Variants in DEPP1 observed in about 807,000 individuals in gnomAD.
The protein encoded by DEPP1 is DEPP autophagy regulator 1.
For synonymous variants in DEPP1, 117 were observed against 113.6 expected (o/e 1.03, Z -0.19); for missense variants, 267 against 280.1 (o/e 0.95, Z 0.33).
At position 44,977,528 on chromosome 10, in the gene DEPP1, T is replaced by C; in HGVS notation, c.503A>G (p.Asp168Gly). ...PGHSLARPPQ[D>G]GQQSSDLRSW... ...TCTTAGGTCAGAGCTCTGCTGCCCA[T>C]CCTGCGGTGGTCTTGCCAGGGAATG... Residue 168 changes from aspartate to glycine, a missense_variant, in exon 2 of 2, where the codon GAT becomes GGT. By Grantham distance (94) the Asp-to-Gly change is moderately conservative. Transcript: ENST00000298295. 6.2e-7 allele frequency: 1 copy of C among 1,613,468 alleles called. No individual in the cohort carries two copies. Among genetic ancestry groups the C allele is most frequent in the Non-Finnish European group, 8.5e-7 (1 of 1,179,970 alleles).
chr10:44,978,434 C>T (rs190279562), intron 1 of DEPP1, among the ~76,000 whole-genome samples, 184 bp downstream of exon 1: 1 of 152,242 alleles, frequency 6.6e-6, no homozygotes, highest in East Asian at 1.9e-4. Context: ...TACCCCTGGC[C>T]GGGATGTTGT....
Position 44,977,344 on chromosome 10 carries a change from A to T in DEPP1, c.*48T>A. The T allele has an allele frequency of 6.6e-7, 1 of 1,513,716 alleles. No individual in the cohort carries two copies. Among genetic ancestry groups the T allele is most frequent in the Non-Finnish European group, 8.8e-7 (1 of 1,129,966 alleles). The allele number at this position is 1,513,716 out of a possible 1,614,324, so 93.8% of individuals were successfully genotyped here. A position where few individuals can be genotyped will look rare whatever the true frequency, so the allele number is the denominator to read the frequency against. On this transcript the variant is annotated 3_prime_UTR_variant, in exon 2 of 2. Transcript: ENST00000298295. ...TGACCACCATGGAGGAGACGAGAGG[A>T]GATGCAGACCCAGCATGCTCTCTAC...
chr10:44,977,396 A>T lies in DEPP1; in HGVS notation c.635T>A (p.Leu212His). The T allele has an allele frequency of 1.9e-6, 3 of 1,574,286 alleles. No individual in the cohort carries two copies. Among genetic ancestry groups the T allele is most frequent in the Non-Finnish European group, 2.6e-6 (3 of 1,156,576 alleles). Residue 212 changes from leucine to histidine, a missense_variant, in exon 2 of 2, where the codon CTC becomes CAC. Physicochemically the swap from Leu to His is moderately conservative, Grantham distance 99. Transcript: ENST00000298295. ...GAAGCCTTTACTGGGGAGGGGTCAGAGTTCATGGATCACCGGGAGGTGCGA... is the reference window on the plus strand; with the variant it reads ...GAAGCCTTTACTGGGGAGGGGTCAGTGTTCATGGATCACCGGGAGGTGCGA... ...LYSHLPVIHE[L>H]
At position 44,977,225 on chromosome 10, in the gene DEPP1, T is replaced by G; in HGVS notation, c.*167A>C. The G allele has an allele frequency of 1.2e-6, 1 of 806,184 alleles. No homozygotes were observed. The highest frequency in any genetic ancestry group is 1.9e-6 in the Non-Finnish European group (1 of 517,852). 49.9% of individuals were successfully genotyped at this position (806,184 alleles called of 1,614,324 possible). On this transcript the variant is annotated 3_prime_UTR_variant, in exon 2 of 2. Coordinates refer to ENST00000298295, the MANE Select transcript of DEPP1 (RefSeq NM_007021.4). ...CATCTCCTCATGTGAAACAGGCTGTTATCATATTCAGAGGGGGTCGGTCTC... is the reference window on the plus strand; with the variant it reads ...CATCTCCTCATGTGAAACAGGCTGTGATCATATTCAGAGGGGGTCGGTCTC...
At position 44,978,044 on chromosome 10, in the gene DEPP1, G is replaced by C. The variant is rs768824459; in HGVS notation, c.-14C>G. ...CCGGGACCTCATCACTCTGGCGAGA[G>C]GAGGTGGCAACCTGTTGGGAAACAG... On this transcript the variant is annotated 5_prime_UTR_variant, in exon 2 of 2. Coordinates refer to ENST00000298295, the MANE Select transcript of DEPP1 (RefSeq NM_007021.4). 6.3e-7 allele frequency: 1 copy of C among 1,596,276 alleles called. No homozygotes were observed. Among genetic ancestry groups the C allele is most frequent in the East Asian group, 2.2e-5 (1 of 44,764 alleles).
chr10:44,977,245 G>T lies in DEPP1; in HGVS notation c.*147C>A. ...GCTGTTATCATATTCAGAGGGGGTC[G>T]GTCTCACTGTGAACTGCCCAAGCAG... On this transcript the variant is annotated 3_prime_UTR_variant, in exon 2 of 2. Transcript: ENST00000298295. 1 of 973,036 alleles carries T rather than the reference G, an allele frequency of 1.0e-6. No individual in the cohort carries two copies. The highest frequency in any genetic ancestry group is 1.5e-6 in the Non-Finnish European group (1 of 656,896). The allele number at this position is 973,036 out of a possible 1,614,324, so 60.3% of individuals were successfully genotyped here. A position where few individuals can be genotyped will look rare whatever the true frequency, so the allele number is the denominator to read the frequency against.
rs1248299410 is a variant in DEPP1 at position 44,976,417 on chromosome 10, G to T, written c.*975C>A. 2.6e-5 allele frequency: 4 copies of T among 152,304 alleles called. No homozygotes were observed. Among genetic ancestry groups the T allele is most frequent in the African/African-American group, 9.6e-5 (4 of 41,462 alleles). The allele number at this position is 152,304 out of a possible 1,614,324, so 9.4% of individuals were successfully genotyped here. Reference sequence around the variant, plus strand: ...CTAGACTGACAGCTCACAGAGCAAGGAGGTGGCAGAGACCTGCCCAGGTGA... The same window carrying T: ...CTAGACTGACAGCTCACAGAGCAAGTAGGTGGCAGAGACCTGCCCAGGTGA... On this transcript the variant is annotated 3_prime_UTR_variant, in exon 2 of 2. Transcript: ENST00000298295.
Position 44,978,096 on chromosome 10 carries a change from C to T in DEPP1, c.-25-41G>A, listed in dbSNP as rs190212409. On this transcript the variant is annotated intron_variant, in intron 1 of 1. Coordinates refer to ENST00000298295, the MANE Select transcript of DEPP1 (RefSeq NM_007021.4). ...AGCCTGGTGGTGAGGGCCTGCCATGCGTCCCACCGCCCCTCAGCGTCACCA... is the reference window on the plus strand; with the variant it reads ...AGCCTGGTGGTGAGGGCCTGCCATGTGTCCCACCGCCCCTCAGCGTCACCA... The T allele has an allele frequency of 6.1e-4, 940 of 1,549,806 alleles. 2 individuals carry two copies. The highest frequency in any genetic ancestry group is 6.6e-4 in the Non-Finnish European group (752 of 1,144,208).
rs1295376947 is a variant in DEPP1, at chr10:44,978,051, G to A, written c.-21C>T. The stretch of plus-strand genomic sequence containing the variant: ...CTCATCACTCTGGCGAGAGGAGGTG[G>A]CAACCTGTTGGGAAACAGAAGCCTG... On this transcript the variant is annotated 5_prime_UTR_variant, in exon 2 of 2. Coordinates refer to ENST00000298295, the MANE Select transcript of DEPP1 (RefSeq NM_007021.4). 1 of 1,591,354 alleles carries A rather than the reference G, an allele frequency of 6.3e-7. No individual in the cohort carries two copies. Among genetic ancestry groups the A allele is most frequent in the Non-Finnish European group, 8.5e-7 (1 of 1,173,076 alleles).
chr10:44,977,458 G>A lies in DEPP1; in HGVS notation c.573C>T (p.His191=). ...TGAGGACACTGCTGGGGCGGGGGCG[G>A]TGGCGGGAGGCCATGGCTTGGGCAG... ...GQSAQAMASR[H]RPRPSSVLRT... Residue 191 remains histidine (H), a synonymous_variant, in exon 2 of 2, where the codon CAC becomes CAT. Coordinates refer to ENST00000298295, the MANE Select transcript of DEPP1 (RefSeq NM_007021.4). 1 of 1,611,948 alleles carries A rather than the reference G, an allele frequency of 6.2e-7. No homozygotes were observed. The highest frequency in any genetic ancestry group is 8.5e-7 in the Non-Finnish European group (1 of 1,179,190).
chr10:44,978,435 G>A (rs146091466), intron 1 of DEPP1, among the ~76,000 whole-genome samples, 183 bp downstream of exon 1: 3,037 of 152,264 alleles, frequency 0.02, 208 homozygotes, highest in Admixed American at 0.14. Flanking sequence ...ACCCCTGGCC[G>A]GGATGTTGTA....
Position 44,977,420 on chromosome 10 carries a change from G to A in DEPP1, c.611C>T (p.Ser204Leu), listed in dbSNP as rs540681618. ...GAGTTCATGGATCACCGGGAGGTGC[G>A]AGTAGAGTGTTCTGAGGACACTGCT... ...RPSSVLRTLYSHLPVIHEL is the reference protein window; with the variant it reads ...RPSSVLRTLYLHLPVIHEL The change falls in exon 2 of 2, where the codon TCG becomes TTG. Residue 204 changes from serine (S) to leucine (L), a missense_variant. Ser to Leu is a moderately radical substitution (Grantham distance 145, BLOSUM62 -2). Transcript: ENST00000298295. The A allele has an allele frequency of 1.8e-5, 29 of 1,600,158 alleles. No homozygotes were observed. Among genetic ancestry groups the A allele is most frequent in the South Asian group, 1.3e-4 (12 of 90,188 alleles).
At position 44,977,799 on chromosome 10, in the gene DEPP1, G is replaced by A; in HGVS notation, c.232C>T (p.Pro78Ser). 6.2e-7 allele frequency: 1 copy of A among 1,601,994 alleles called. No individual in the cohort carries two copies. Among genetic ancestry groups the A allele is most frequent in the Non-Finnish European group, 8.5e-7 (1 of 1,173,548 alleles). The change falls in exon 2 of 2, where the codon CCT (proline) becomes TCT (serine). Residue 78 changes from proline (P) to serine (S), a missense_variant. Physicochemically the swap from Pro to Ser is moderately conservative, Grantham distance 74 (BLOSUM62 -1). Coordinates refer to ENST00000298295, the MANE Select transcript of DEPP1 (RefSeq NM_007021.4). ...GTGATGTCTCGCAGGGACACAGCAG[G>A]GCGGCCCTTCCGGCAGGCCTGGGCT... The part of the protein sequence containing the change: ...RPAQACRKGR[P>S]AVSLRDITAR...
chr10:44,977,607 T>C lies in DEPP1; in HGVS notation c.424A>G (p.Ser142Gly), dbSNP rs201753865. The C allele has an allele frequency of 6.2e-7, 1 of 1,613,308 alleles. No homozygotes were observed. Among genetic ancestry groups the C allele is most frequent in the African/African-American group, 1.3e-5 (1 of 75,074 alleles). ...LWGPHRQMDS[S>G]KPMGAPRGRL... ...CCTCTGGGGGCCCCCATGGGCTTGC[T>C]GCTGTCCATCTGTCTATGTGGACCC... The change falls in exon 2 of 2, where the codon AGC becomes GGC. Residue 142 changes from serine to glycine, a missense_variant. Physicochemically the swap from Ser to Gly is moderately conservative, Grantham distance 56 (BLOSUM62 0). Transcript: ENST00000298295.
Position 44,977,716 on chromosome 10 carries a change from C to G in DEPP1, c.315G>C (p.Leu105=). The part of the protein sequence containing the change: ...TLPMADTVDP[L]DWLFGESQEK... ...CCTGGGACTCCCCAAAAAGCCAGTC[C>G]AGGGGGTCCACAGTATCAGCCATGG... Residue 105 remains leucine, a synonymous_variant, in exon 2 of 2, where the codon CTG becomes CTC. Coordinates refer to ENST00000298295, the MANE Select transcript of DEPP1 (RefSeq NM_007021.4). The G allele has an allele frequency of 6.2e-7, 1 of 1,611,712 alleles. No individual in the cohort carries two copies. Among genetic ancestry groups the G allele is most frequent in the Non-Finnish European group, 8.5e-7 (1 of 1,179,200 alleles).
chr10:44,977,582 C>T lies in DEPP1; in HGVS notation c.449G>A (p.Gly150Glu). 2 of 1,613,432 alleles carry T rather than the reference C, an allele frequency of 1.2e-6. No individual in the cohort carries two copies. The highest frequency in any genetic ancestry group is 1.7e-6 in the Non-Finnish European group (2 of 1,179,914). Residue 150 changes from glycine to glutamate, a missense_variant, in exon 2 of 2, where the codon GGG becomes GAG. Physicochemically the swap from Gly to Glu is moderately conservative, Grantham distance 98 (BLOSUM62 -2). Coordinates refer to ENST00000298295, the MANE Select transcript of DEPP1 (RefSeq NM_007021.4). ...DSSKPMGAPR[G>E]RLCEARMPGH... ...AGGCATCCTGGCTTCACAGAGCCTC[C>T]CTCTGGGGGCCCCCATGGGCTTGCT...
intron 1 of DEPP1, 116 bp from the exon 2 acceptor site, chr10:44,978,171 A>C: frequency 1.1e-6 from 1 of 938,814 alleles, no homozygotes. Flanking sequence ...GAGCAATTTG[A>C]AGTCTACAGA....
At position 44,976,527 on chromosome 10, in the gene DEPP1, C is replaced by G. The variant is rs1472256832; in HGVS notation, c.*865G>C. On this transcript the variant is annotated 3_prime_UTR_variant, in exon 2 of 2. Coordinates refer to ENST00000298295, the MANE Select transcript of DEPP1 (RefSeq NM_007021.4). Reference sequence around the variant, plus strand: ...GATCAGTCCCAGCCTGATTCCCGTTCCCTGATGCCTCACCTTCTTGCTGCC... The same window carrying G: ...GATCAGTCCCAGCCTGATTCCCGTTGCCTGATGCCTCACCTTCTTGCTGCC... 2 of 152,592 alleles carry G rather than the reference C, an allele frequency of 1.3e-5. No homozygotes were observed. Among genetic ancestry groups the G allele is most frequent in the Non-Finnish European group, 2.9e-5 (2 of 68,302 alleles). The allele number at this position is 152,592 out of a possible 1,614,324, so 9.5% of individuals were successfully genotyped here. A position where few individuals can be genotyped will look rare whatever the true frequency, so the allele number is the denominator to read the frequency against.
chr10:44,977,618 T>C lies in DEPP1; in HGVS notation c.413A>G (p.Gln138Arg), dbSNP rs1423357057. ...PSAGLWGPHRQMDSSKPMGAP... is the reference protein window; with the variant it reads ...PSAGLWGPHRRMDSSKPMGAP... ...CCCCATGGGCTTGCTGCTGTCCATC[T>C]GTCTATGTGGACCCCAGAGGCCAGC... Residue 138 changes from glutamine to arginine, a missense_variant, in exon 2 of 2, where the codon CAG becomes CGG. Gln to Arg is a conservative substitution (Grantham distance 43). Coordinates refer to ENST00000298295, the MANE Select transcript of DEPP1 (RefSeq NM_007021.4). 1.9e-6 allele frequency: 3 copies of C among 1,613,008 alleles called. No homozygotes were observed. The highest frequency in any genetic ancestry group is 1.3e-5 in the African/African-American group (1 of 74,942).
Sources: allele counts gnomAD v4.1 joint callset (sites outside exome capture counted in the v4.1 genomes callset), GRCh38; gene constraint gnomAD v4.1.1; transcripts MANE v1.5; gene names NCBI Gene and HGNC (gene_info 2026-07-23, HGNC 2026-07-21).